TSNARE1: variants seen among roughly 807,000 people sequenced by gnomAD.
The protein encoded by TSNARE1 is t-SNARE domain containing 1, also known as t-SNARE domain-containing protein 1.
TSNARE1 carries 49 observed loss-of-function variants against 62.0 expected under a neutral mutation model. The observed-to-expected ratio is 0.79, with a 90% CI of 0.63 to 1.00. The LOEUF (loss-of-function observed/expected upper bound fraction) is 1.00. Ranked by LOEUF, TSNARE1 falls within the 50% of genes least tolerant of loss-of-function variation. The pLI, the probability that TSNARE1 is intolerant of heterozygous loss-of-function variation, is 0.00. For synonymous variants in TSNARE1, 328 were observed against 294.4 expected, an observed-to-expected ratio of 1.11 and a Z score of -1.17; for missense variants, 755 against 700.1, an observed-to-expected ratio of 1.08 and a Z score of -0.88.
intron 12 of TSNARE1, among the ~76,000 whole-genome samples, chr8:142,231,906 G>T (rs1250047627): frequency 6.6e-6 from 1 of 152,226 alleles, no homozygotes; most frequent in Non-Finnish European, 1.5e-5. Flanking sequence ...CCCTGTATGT[G>T]CCATAAGAGT....
intron 11 of TSNARE1, among the ~76,000 whole-genome samples, chr8:142,281,545 A>C (rs1821455902): frequency 6.6e-6 from 1 of 151,346 alleles, no homozygotes; most frequent in South Asian, 2.1e-4. Context: ...GACATGAGAG[A>C]CTCTGGCTCT....
chr8:142,223,309 T>C (rs111215890), intron 13 of TSNARE1, among the ~76,000 whole-genome samples: 677 of 12,006 alleles, frequency 0.056, 33 homozygotes, highest in East Asian at 0.2. Flanking sequence ...CACTCACTCA[T>C]TCACTCACTC....
At chr8:142,220,973 G>T (rs1318457537) in intron 13 of TSNARE1, among the ~76,000 whole-genome samples, 1 of 152,206 alleles carries the variant, frequency 6.6e-6, no homozygotes, top group Non-Finnish European at 1.5e-5. Flanking sequence ...TCAATAAATG[G>T]CAGCTATGAA....
chr8:142,295,424 T>C (rs1824514995), intron 10 of TSNARE1, among the ~76,000 whole-genome samples: 1 of 152,200 alleles, frequency 6.6e-6, no homozygotes, highest in Admixed American at 6.5e-5. Flanking sequence ...CTGCTCACTC[T>C]TGGGTGGCCG....
chr8:142,275,290 A>T, intron 11 of TSNARE1: 5 of 985,438 alleles, frequency 5.1e-6, no homozygotes, highest in Non-Finnish European at 6.0e-6. Context: ...GACGCGGCTG[A>T]TGGAGACCGG....
chr8:142,383,894 G>C (rs1836941013), intron 1 of TSNARE1, among the ~76,000 whole-genome samples: 2 of 152,156 alleles, frequency 1.3e-5, no homozygotes, highest in South Asian at 4.1e-4. Flanking sequence ...AGAAAAAACA[G>C]GAAATAAATA....
chr8:142,246,809 C>T (rs528863781), intron 12 of TSNARE1, among the ~76,000 whole-genome samples: 245 of 152,356 alleles, frequency 1.6e-3, no homozygotes, highest in Middle Eastern at 3.4e-3. Flanking sequence ...GCCAGACACA[C>T]TCCTCCTTCC....
At chr8:142,271,156 G>A (rs1819495118) in intron 12 of TSNARE1, 1 of 988,516 alleles carries the variant, frequency 1.0e-6, no homozygotes, top group Non-Finnish European at 1.2e-6. Context: ...TGCCCTTGGG[G>A]CTGTCCTGGG....
intron 9 of TSNARE1, 31 bp from the exon 10 acceptor site, chr8:142,300,675 T>G: frequency 6.3e-7 from 1 of 1,590,944 alleles, no homozygotes; most frequent in South Asian, 1.1e-5. Flanking sequence ...TTGTTAGCAC[T>G]GACCCCTCCC....
At chr8:142,376,037 T>C (rs1836308558) in intron 1 of TSNARE1, among the ~76,000 whole-genome samples, 1 of 152,150 alleles carries the variant, frequency 6.6e-6, no homozygotes, top group Admixed American at 6.5e-5. Flanking sequence ...GCTATAAACA[T>C]ACGGAAAACA....
intron 10 of TSNARE1, among the ~76,000 whole-genome samples, chr8:142,295,069 C>A (rs1446631470): frequency 6.6e-6 from 1 of 152,180 alleles, no homozygotes; most frequent in Non-Finnish European, 1.5e-5. Context: ...CCTCTCAGCT[C>A]AGGCAGGGAG....
chr8:142,300,608 C>T lies in TSNARE1; in HGVS notation c.1168G>A (p.Glu390Lys), dbSNP rs1825561314. 6.2e-7 allele frequency: 1 copy of T among 1,613,792 alleles called. No homozygotes were observed. Among genetic ancestry groups the T allele is most frequent in the Non-Finnish European group, 8.5e-7 (1 of 1,179,988 alleles). Residue 390 changes from glutamate (E) to lysine (K), a missense_variant, in exon 10 of 14, where the codon GAG becomes AAG. Transcript: ENST00000524325. ...QAPFAELADD[E>K]KVFNGSDNMW... ...TTGTCACTCCCGTTAAAGACCTTCT[C>T]ATCATCAGCCAGCTCGGCAAACGGG... is the stretch of plus-strand genomic sequence containing the variant.
At chr8:142,397,996 A>C (rs1445049042) in intron 1 of TSNARE1, among the ~76,000 whole-genome samples, 1 of 152,048 alleles carries the variant, frequency 6.6e-6, no homozygotes, top group African/African-American at 2.4e-5. Context: ...CCATCAGAAA[A>C]GCCCAGGCCT....
At position 142,319,031 on chromosome 8, in the gene TSNARE1, G is replaced by A. The variant is rs1829054142; in HGVS notation, c.894-397C>T. ...GAGACGGGCAGACACACAGCAAGAG[G>A]CAGTGGGGGCAGAAAGGCAGGCAGA... On this transcript the variant is annotated intron_variant, in intron 6 of 13. Coordinates refer to ENST00000524325, the MANE Select transcript of TSNARE1 (RefSeq NM_145003.5). The surrounding 1 kb of genome is among the most constrained non-coding windows in gnomAD (Gnocchi z 4.9). 6.6e-6 allele frequency among the ~76,000 whole-genome samples: 1 copy of A among 151,584 alleles called. No homozygotes were observed. Among genetic ancestry groups the A allele is most frequent in the Admixed American group, 6.6e-5 (1 of 15,222 alleles).
At chr8:142,297,904 C>G (rs1825039184) in intron 10 of TSNARE1, among the ~76,000 whole-genome samples, 1 of 152,230 alleles carries the variant, frequency 6.6e-6, no homozygotes, top group African/African-American at 2.4e-5. Flanking sequence ...CACCCCGCCG[C>G]CCTCCGTCCC....
intron 12 of TSNARE1, among the ~76,000 whole-genome samples, chr8:142,248,273 G>C (rs572610831): frequency 6.6e-6 from 1 of 152,334 alleles, no homozygotes; most frequent in Admixed American, 6.5e-5. Flanking sequence ...CCAGTCTCAG[G>C]TGTTCTGTTT....
intron 1 of TSNARE1, among the ~76,000 whole-genome samples, chr8:142,394,379 T>C (rs960090361): frequency 6.6e-6 from 1 of 152,152 alleles, no homozygotes; most frequent in African/African-American, 2.4e-5. Flanking sequence ...GTGAAAGCAG[T>C]AGCTACAGAA....
chr8:142,335,676 G>C (rs1831659940), intron 4 of TSNARE1, among the ~76,000 whole-genome samples: 2 of 152,140 alleles, frequency 1.3e-5, no homozygotes, highest in African/African-American at 4.8e-5. Context: ...CAAGACAGTA[G>C]AGTTAAAGCC....
At chr8:142,312,781 C>CT (rs2131577635) in intron 9 of TSNARE1, among the ~76,000 whole-genome samples, 1 of 152,264 alleles carries the variant, frequency 6.6e-6, no homozygotes, top group East Asian at 1.9e-4. Context: ...GTCCTGAACT[C>CT]TAATTTTTGC....
Sources: gnomAD v4.1 joint callset for allele counts (sites outside exome capture counted in the v4.1 genomes callset) on GRCh38, gnomAD v4.1.1 for gene constraint, Gnocchi (gnomAD v3.1) non-coding constraint, MANE v1.5 for transcripts, NCBI Gene and HGNC (gene_info 2026-07-23, HGNC 2026-07-21) for gene names.